Variants in MALRD1 observed in about 807,000 individuals in gnomAD.
MALRD1 encodes MAM and LDL-receptor class A domain-containing protein 1.
Under a neutral mutation model 242.1 loss-of-function variants are expected in MALRD1, and 247 were observed. That is an observed-to-expected ratio of 1.02 (90% CI 0.92 to 1.13). The LOEUF (loss-of-function observed/expected upper bound fraction) is 1.13. Ranked by LOEUF, MALRD1 falls within the 50% of genes most tolerant of loss-of-function variation. The pLI is 0.00. For missense variants in MALRD1, 2,989 were observed against 2,533.1 expected (o/e 1.18, Z -3.86); for synonymous variants, 995 against 866.6 (o/e 1.15, Z -2.60).
At chr10:19,349,623 C>A (rs750497586) in intron 25 of MALRD1, among the ~76,000 whole-genome samples, 2 of 152,104 alleles carry the variant, frequency 1.3e-5, no homozygotes, top group Non-Finnish European at 2.9e-5. Flanking sequence ...TTGCTGTCTT[C>A]CAGATAACTT....
chr10:19,585,186 C>T (rs544177835), intron 33 of MALRD1, among the ~76,000 whole-genome samples: 128 of 152,158 alleles, frequency 8.4e-4, no homozygotes, highest in African/African-American at 1.4e-3. Context: ...TCCAATTTGC[C>T]GGTCTGTGTC....
At chr10:19,162,832 A>T (rs892968859) in intron 12 of MALRD1, among the ~76,000 whole-genome samples, 5 of 152,028 alleles carry the variant, frequency 3.3e-5, no homozygotes, top group African/African-American at 4.8e-5. Flanking sequence ...CCACAGTACT[A>T]GAAATTTTTC....
chr10:19,468,808 C>T (rs1369119254), intron 29 of MALRD1, among the ~76,000 whole-genome samples: 1 of 151,854 alleles, frequency 6.6e-6, no homozygotes, highest in Middle Eastern at 3.2e-3. Flanking sequence ...AATTTTTTGC[C>T]CTTTGTTCTT....
At chr10:19,458,171 C>A (rs1017287307) in intron 29 of MALRD1, among the ~76,000 whole-genome samples, 1 of 152,120 alleles carries the variant, frequency 6.6e-6, no homozygotes, top group Non-Finnish European at 1.5e-5. Context: ...TTTAAGCCTG[C>A]ACTTTAAATG....
At chr10:19,195,978 A>G (rs181602801) in intron 14 of MALRD1, among the ~76,000 whole-genome samples, 1 of 152,184 alleles carries the variant, frequency 6.6e-6, no homozygotes, top group Non-Finnish European at 1.5e-5. Context: ...CTGACATACT[A>G]TTTCACTGAA....
intron 18 of MALRD1, among the ~76,000 whole-genome samples, chr10:19,248,959 TTA>T (rs1332049833): frequency 1.4e-5 from 2 of 147,064 alleles, no homozygotes; most frequent in South Asian, 4.2e-4. Flanking sequence ...AAATTATATA[TTA>T]TATATTTTGT....
At chr10:19,253,993 C>T (rs1839403043) in intron 18 of MALRD1, among the ~76,000 whole-genome samples, 1 of 151,946 alleles carries the variant, frequency 6.6e-6, no homozygotes, top group Non-Finnish European at 1.5e-5. Context: ...GTGTCTCATT[C>T]TCTCTCCTGT....
intron 32 of MALRD1, among the ~76,000 whole-genome samples, chr10:19,557,959 A>G (rs531750473): frequency 6.6e-6 from 1 of 152,124 alleles, no homozygotes; most frequent in South Asian, 2.1e-4. Flanking sequence ...TTCTTCATAG[A>G]TATCATGTAC....
chr10:19,086,353 A>G (rs1835668674), intron 2 of MALRD1, among the ~76,000 whole-genome samples: 1 of 152,070 alleles, frequency 6.6e-6, no homozygotes. Flanking sequence ...CATCATAGAC[A>G]TCATCATCAT....
chr10:19,420,677 C>T (rs1302235625), intron 28 of MALRD1, among the ~76,000 whole-genome samples: 2 of 151,360 alleles, frequency 1.3e-5, no homozygotes, highest in African/African-American at 2.4e-5. Context: ...GTGCACATAC[C>T]CTCTGCCTGG....
chr10:19,327,565 G>A lies in MALRD1; in HGVS notation c.3579G>A (p.Val1193=), dbSNP rs137985357. ...TTTTACTTGATTTATCTCTATAGGT[G>A]CTCATCAAGAAAGATAACGTTACTT... The part of the protein sequence containing the change: ...MNGATVGSLQ[V]LIKKDNVTSK... Residue 1193 remains valine (V), a splice_region_variant and synonymous_variant, in exon 23 of 40, where the codon GTG becomes GTA. Transcript: ENST00000454679. 1.2e-4 allele frequency: 179 copies of A among 1,547,318 alleles called. No individual in the cohort carries two copies. In the African/African-American group the frequency reaches 2.0e-3, roughly 17 times the overall value.
At chr10:19,455,603 T>C (rs1236182808) in intron 29 of MALRD1, among the ~76,000 whole-genome samples, 1 of 152,202 alleles carries the variant, frequency 6.6e-6, no homozygotes, top group Non-Finnish European at 1.5e-5. Flanking sequence ...ACAAGGTACT[T>C]TGAAAAACAC....
chr10:19,214,007 T>A (rs1252947894), intron 18 of MALRD1, among the ~76,000 whole-genome samples: 1 of 152,186 alleles, frequency 6.6e-6, no homozygotes. Flanking sequence ...TTGGTGAGCA[T>A]GTGTACTGTT....
At chr10:19,271,121 C>G (rs1196737322) in intron 19 of MALRD1, among the ~76,000 whole-genome samples, 1 of 152,084 alleles carries the variant, frequency 6.6e-6, no homozygotes. Flanking sequence ...CCAAGCAATT[C>G]CGTTTCTAGA....
At chr10:19,123,938 GC>G (rs1194830854) in intron 6 of MALRD1, among the ~76,000 whole-genome samples, 2 of 151,752 alleles carry the variant, frequency 1.3e-5, no homozygotes, top group African/African-American at 4.8e-5. Context: ...GGGTATGGTG[GC>G]TCATGCCTGT....
intron 29 of MALRD1, among the ~76,000 whole-genome samples, chr10:19,467,031 G>A (rs906867665): frequency 6.6e-6 from 1 of 151,974 alleles, no homozygotes; most frequent in African/African-American, 2.4e-5. Flanking sequence ...TTGGATTACT[G>A]CTCCACCCTT....
chr10:19,620,772 A>G (rs1284851255), intron 36 of MALRD1, among the ~76,000 whole-genome samples: 1 of 152,034 alleles, frequency 6.6e-6, no homozygotes, highest in Admixed American at 6.6e-5. Flanking sequence ...TGATGAGTGA[A>G]TGTAAAGTCC....
At chr10:19,299,234 A>G (rs1047388122) in intron 21 of MALRD1, among the ~76,000 whole-genome samples, 6 of 151,992 alleles carry the variant, frequency 3.9e-5, no homozygotes, top group Admixed American at 3.3e-4. Flanking sequence ...ATAGTATAAA[A>G]AGCAGTATAA....
intron 38 of MALRD1, among the ~76,000 whole-genome samples, chr10:19,704,425 C>A (rs1200627158): frequency 2.0e-5 from 3 of 152,126 alleles, no homozygotes; most frequent in Non-Finnish European, 4.4e-5. Flanking sequence ...AGATCTGGAG[C>A]CTCTTTGCCT....
Sources: allele counts gnomAD v4.1 joint callset (sites outside exome capture counted in the v4.1 genomes callset), GRCh38; gene constraint gnomAD v4.1.1; transcripts MANE v1.5; gene names NCBI Gene and HGNC (gene_info 2026-07-23, HGNC 2026-07-21).